Variants in PLCH1 observed in about 807,000 individuals in gnomAD.
The protein encoded by PLCH1 is 1-phosphatidylinositol 4,5-bisphosphate phosphodiesterase eta-1.
A neutral mutation model predicts 126.7 loss-of-function variants in PLCH1; 60 were observed. That is an observed-to-expected ratio of 0.47 (90% CI 0.38 to 0.59). The LOEUF is 0.59. Ranked by LOEUF, PLCH1 falls within the 20% of genes least tolerant of loss-of-function variation. PLCH1 has a pLI of 0.00. For missense variants in PLCH1, 1,723 were observed against 2,040.0 expected, an observed-to-expected ratio of 0.84 and a Z score of 2.99; for synonymous variants, 719 against 734.9, an observed-to-expected ratio of 0.98 and a Z score of 0.35.
At chr3:155,627,356 T>A (rs1300181387) in intron 2 of PLCH1, among the ~76,000 whole-genome samples, 1 of 152,122 alleles carries the variant, frequency 6.6e-6, no homozygotes, top group African/African-American at 2.4e-5. Flanking sequence ...GTAGGCCAGG[T>A]GTGGTGGCTC....
At chr3:155,523,665 G>A (rs1252669496) in intron 11 of PLCH1, among the ~76,000 whole-genome samples, 1 of 152,184 alleles carries the variant, frequency 6.6e-6, no homozygotes, top group Non-Finnish European at 1.5e-5. Flanking sequence ...AGAGAGGGTT[G>A]AATGAATTAA....
rs538561343 is a variant in PLCH1, at chr3:155,576,332, T to C, written c.771+7140A>G. 3.3e-5 allele frequency among the ~76,000 whole-genome samples: 5 copies of C among 152,294 alleles called. No individual in the cohort carries two copies. The South Asian group carries it at 8.3e-4, about 25-fold the overall frequency. On this transcript the variant is annotated intron_variant, in intron 6 of 22. Coordinates refer to ENST00000460012, the MANE Select transcript of PLCH1 (RefSeq NM_014996.4). ...ATATCTGTGATCCTTTATCTGTAGA[T>C]GAAAGGAAGAGAAGAAAGAGAAATC...
At chr3:155,530,153 TTACC>T (rs1156944971) in intron 10 of PLCH1, among the ~76,000 whole-genome samples, 2 of 152,238 alleles carry the variant, frequency 1.3e-5, no homozygotes, top group Non-Finnish European at 2.9e-5. Context: ...TAACAGCATT[TTACC>T]TACAGTAGAA....
intron 6 of PLCH1, among the ~76,000 whole-genome samples, chr3:155,570,378 T>C (rs1729037494): frequency 6.6e-6 from 1 of 152,202 alleles, no homozygotes; most frequent in Non-Finnish European, 1.5e-5. Flanking sequence ...TTCTCCCTAC[T>C]CTAACCCTGT....
intron 11 of PLCH1, among the ~76,000 whole-genome samples, chr3:155,522,758 G>C (rs1160144106): frequency 6.7e-6 from 1 of 149,928 alleles, no homozygotes; most frequent in African/African-American, 2.5e-5. Context: ...CTGATGTCTA[G>C]AGGACTAACC....
chr3:155,566,367 A>G (rs535486444), intron 7 of PLCH1, among the ~76,000 whole-genome samples: 5 of 142,658 alleles, frequency 3.5e-5, no homozygotes, highest in Non-Finnish European at 7.6e-5. Flanking sequence ...ATATACACAC[A>G]TATATATATG....
At chr3:155,497,518 G>T (rs1415971405) in intron 14 of PLCH1, 101 bp from the exon 15 acceptor site, 2 of 815,252 alleles carry the variant, frequency 2.5e-6, no homozygotes. Context: ...ATTTAATAGG[G>T]AATACCTGCC....
At chr3:155,602,365 C>T (rs967174507) in intron 2 of PLCH1, among the ~76,000 whole-genome samples, 8 of 151,926 alleles carry the variant, frequency 5.3e-5, no homozygotes, top group African/African-American at 1.9e-4. Context: ...GACAGAAAAT[C>T]GAGTAGAAAG....
At chr3:155,668,792 T>G (rs1369164626) in intron 2 of PLCH1, among the ~76,000 whole-genome samples, 1 of 152,096 alleles carries the variant, frequency 6.6e-6, no homozygotes, top group African/African-American at 2.4e-5. Context: ...CTTAGGAAGC[T>G]GAGGCAGGAG....
At chr3:155,641,405 T>C (rs1209350652) in intron 2 of PLCH1, among the ~76,000 whole-genome samples, 1 of 152,148 alleles carries the variant, frequency 6.6e-6, no homozygotes. Flanking sequence ...TTAACTGTGT[T>C]TGATCTACTT....
At chr3:155,583,914 T>TA (rs546555378) in intron 5 of PLCH1, among the ~76,000 whole-genome samples, 10,312 of 136,396 alleles carry the variant, frequency 0.076, 1,085 homozygotes, top group African/African-American at 0.24. Flanking sequence ...AAAGAAACCT[T>TA]AAAAAAAAAA....
chr3:155,694,872 G>A (rs1034477849), intron 2 of PLCH1, among the ~76,000 whole-genome samples: 1 of 150,504 alleles, frequency 6.6e-6, no homozygotes, highest in Admixed American at 6.6e-5. Flanking sequence ...TTTTAAAGAA[G>A]TCCTATGCTG....
In PLCH1 at chr3:155,468,407, G is replaced by A. The variant is rs146345171; in HGVS notation, c.2938+16949C>T. Among the ~76,000 whole-genome samples, 11 of 152,216 alleles carry A rather than the reference G, an allele frequency of 7.2e-5. No homozygotes were observed. The East Asian group carries it at 2.1e-3, about 29-fold the overall frequency. ...AATGGGAGGAGTAAGTCCTAAAAAT[G>A]ACATTGAATGTACTTGGGCTAAATT... is the stretch of plus-strand genomic sequence containing the variant. On this transcript the variant is annotated intron_variant, in intron 21 of 21. Transcript: ENST00000494598.
chr3:155,490,707 A>T lies in PLCH1; in HGVS notation c.2392+77T>A, dbSNP rs1037061033. ...GATTTTAGAGATTTCTTGCTCTTCT[A>T]CATAGACACTTTTTTTAGTGTAAAT... On this transcript the variant is annotated intron_variant, in intron 19 of 22. Transcript: ENST00000460012. The T allele has an allele frequency of 1.8e-5, 15 of 833,724 alleles. No individual in the cohort carries two copies. In the South Asian group the frequency reaches 2.0e-4, roughly 11 times the overall value. 51.6% of individuals were successfully genotyped at this position (833,724 alleles called of 1,614,324 possible). A position where few individuals can be genotyped will look rare whatever the true frequency, so the allele number is the denominator to read the frequency against.
intron 2 of PLCH1, 126 bp from the exon 3 acceptor site, chr3:155,596,504 T>G: frequency 1.5e-6 from 1 of 660,360 alleles, no homozygotes; most frequent in Non-Finnish European, 2.4e-6. Context: ...ACAAATTTGG[T>G]AGAGGTAATC....
chr3:155,617,793 C>T (rs1366511922), intron 2 of PLCH1, among the ~76,000 whole-genome samples: 1 of 152,162 alleles, frequency 6.6e-6, no homozygotes, highest in African/African-American at 2.4e-5. Flanking sequence ...CTTGAAAAAA[C>T]TGGTCCTCAC....
chr3:155,494,241 C>T lies in PLCH1; in HGVS notation c.2082G>A (p.Leu694=). Reference sequence around the variant, plus strand: ...TCATTCGTCCTTCAGATTGATAATTCAGTGCCACTGTGCAAGTTGAAAGTG... The same window carrying T: ...TCATTCGTCCTTCAGATTGATAATTTAGTGCCACTGTGCAAGTTGAAAGTG... ...YWNAGCQLVA[L]NYQSEGRMMQ... is the part of the protein sequence containing the mutation. Residue 694 remains leucine, a synonymous_variant, in exon 17 of 23, where the codon CTG becomes CTA. Transcript: ENST00000460012. 6.2e-7 allele frequency: 1 copy of T among 1,613,958 alleles called. No homozygotes were observed. The highest frequency in any genetic ancestry group is 8.5e-7 in the Non-Finnish European group (1 of 1,179,854).
intron 8 of PLCH1, among the ~76,000 whole-genome samples, chr3:155,557,992 A>AAG (rs1168402493): frequency 2.0e-5 from 3 of 152,222 alleles, no homozygotes; most frequent in African/African-American, 4.8e-5. Context: ...AAGCGAATAA[A>AAG]AGGCCATGTA....
intron 21 of PLCH1, among the ~76,000 whole-genome samples, chr3:155,464,472 T>C (rs1712855203): frequency 6.6e-6 from 1 of 152,188 alleles, no homozygotes; most frequent in Non-Finnish European, 1.5e-5. Flanking sequence ...AAACATGCCC[T>C]GAAGCCTCTA....
Sources: allele counts gnomAD v4.1 joint callset (sites outside exome capture counted in the v4.1 genomes callset), GRCh38; gene constraint gnomAD v4.1.1; transcripts MANE v1.5; gene names NCBI Gene and HGNC (gene_info 2026-07-23, HGNC 2026-07-21).